The following PDE4B variants were observed in gnomAD, a reference collection of about 807,000 sequenced individuals.
The protein encoded by PDE4B is 3',5'-cyclic-AMP phosphodiesterase 4B.
PDE4B carries 20 observed loss-of-function variants against 82.2 expected under a neutral mutation model. The ratio of observed to expected loss-of-function variants is 0.24; its 90% CI spans 0.17 to 0.35. The LOEUF (loss-of-function observed/expected upper bound fraction) is 0.35, where lower values mean the gene tolerates loss of function less well. PDE4B is among the 10% of genes least tolerant of loss of function. The pLI is 1.00. For synonymous variants in PDE4B, 320 were observed against 318.9 expected (o/e 1.00, Z -0.04); for missense variants, 655 against 907.2 (o/e 0.72, Z 3.57).
chr1:66,062,946 T>G (rs1433529066), intron 3 of PDE4B: 1 of 152,100 alleles, frequency 6.6e-6, no homozygotes, highest in Non-Finnish European at 1.5e-5. Flanking sequence ...AGAAGAGTCC[T>G]TTTTCTGAGT....
chr1:65,855,837 A>G (rs1311373218), intron 1 of PDE4B, among the ~76,000 whole-genome samples: 1 of 152,120 alleles, frequency 6.6e-6, no homozygotes, highest in Non-Finnish European at 1.5e-5. Context: ...TCTGATGTAC[A>G]GAACGTGGCT....
intron 1 of PDE4B, among the ~76,000 whole-genome samples, chr1:65,894,132 A>G (rs972631041): frequency 1.3e-5 from 2 of 152,054 alleles, no homozygotes; most frequent in African/African-American, 4.8e-5. Context: ...CCTGTACCCC[A>G]AACAACTGTT....
chr1:66,094,393 A>G (rs546088835), intron 3 of PDE4B: 51 of 152,224 alleles, frequency 3.4e-4, no homozygotes, highest in Non-Finnish European at 6.5e-4. Context: ...AGCTGAAACT[A>G]TATAAATCCA....
chr1:65,979,694 G>A (rs921470850), intron 3 of PDE4B, among the ~76,000 whole-genome samples: 1 of 152,138 alleles, frequency 6.6e-6, no homozygotes, highest in African/African-American at 2.4e-5. Context: ...GCCCTTAATG[G>A]GACCCTGGAG....
At chr1:65,831,707 A>G (rs1646083807) in intron 1 of PDE4B, among the ~76,000 whole-genome samples, 3 of 151,986 alleles carry the variant, frequency 2.0e-5, no homozygotes, top group Admixed American at 6.6e-5. Flanking sequence ...CAAAGATGCT[A>G]TAAGAAAAAT....
chr1:66,135,528 T>G (rs1570316792), intron 3 of PDE4B, among the ~76,000 whole-genome samples: 1 of 152,230 alleles, frequency 6.6e-6, no homozygotes, highest in South Asian at 2.1e-4. Context: ...ATGATTGAAA[T>G]ATGGAAATCA....
intron 3 of PDE4B, among the ~76,000 whole-genome samples, chr1:65,959,732 G>A (rs970242905): frequency 2.0e-5 from 3 of 152,044 alleles, no homozygotes; most frequent in East Asian, 1.9e-4. Flanking sequence ...AGAGGGTGCT[G>A]ATTAATAAAT....
intron 3 of PDE4B, among the ~76,000 whole-genome samples, chr1:65,939,002 T>G (rs1648302621): frequency 6.6e-6 from 1 of 152,220 alleles, no homozygotes; most frequent in East Asian, 1.9e-4. Context: ...TTAGTCCAAG[T>G]GAGCAATGAC....
intron 1 of PDE4B, 150 bp from the exon 2 acceptor site, chr1:65,913,095 G>T (rs1201970734): frequency 9.5e-6 from 4 of 421,272 alleles, no homozygotes; most frequent in Non-Finnish European, 1.7e-5. Context: ...TCTTTTCTCA[G>T]CATATCAAAC....
At chr1:65,958,876 T>G (rs1439385792) in intron 3 of PDE4B, among the ~76,000 whole-genome samples, 1 of 152,228 alleles carries the variant, frequency 6.6e-6, no homozygotes, top group Non-Finnish European at 1.5e-5. Flanking sequence ...TAGTTATGAC[T>G]TATATAGTTA....
At chr1:66,280,361 T>C (rs991718156) in intron 7 of PDE4B, among the ~76,000 whole-genome samples, 4 of 152,206 alleles carry the variant, frequency 2.6e-5, no homozygotes, top group Non-Finnish European at 5.9e-5. Context: ...AGAGAAAATC[T>C]TGGGCTTTTG....
chr1:66,331,936 T>A (rs1331703945), intron 7 of PDE4B: 1 of 996,130 alleles, frequency 1.0e-6, no homozygotes, highest in Non-Finnish European at 1.2e-6. Context: ...TTCGCTGAAT[T>A]AGAAGTTATT....
intron 13 of PDE4B, 77 bp downstream of exon 13, chr1:66,365,843 A>G (rs1472757127): frequency 1.3e-6 from 1 of 767,036 alleles, no homozygotes; most frequent in Non-Finnish European, 2.2e-6. Context: ...TAATGTTTTC[A>G]TTATGGATAA....
At chr1:65,811,348 G>A (rs578116135) in intron 1 of PDE4B, among the ~76,000 whole-genome samples, 1 of 152,276 alleles carries the variant, frequency 6.6e-6, no homozygotes, top group African/African-American at 2.4e-5. Context: ...AACTTAACTT[G>A]AGCATCCTCA....
Position 66,257,692 on chromosome 1 carries a change from T to C in PDE4B, c.513+9T>C. 1 of 1,613,344 alleles carries C rather than the reference T, an allele frequency of 6.2e-7. No individual in the cohort carries two copies. The highest frequency in any genetic ancestry group is 8.5e-7 in the Non-Finnish European group (1 of 1,179,304). ...TAACTCCTTTTGCCCAGGTATGTAT[T>C]ATGCTGGCCCTGGCTTGCTTTCACT... On this transcript the variant is annotated intron_variant, in intron 5 of 16. Coordinates refer to ENST00000341517, the MANE Select transcript of PDE4B (RefSeq NM_002600.4).
chr1:66,123,195 T>A (rs2101085116), intron 3 of PDE4B, among the ~76,000 whole-genome samples: 1 of 152,298 alleles, frequency 6.6e-6, no homozygotes, highest in African/African-American at 2.4e-5. Context: ...TTGAAGACAA[T>A]GATTTTAACA....
intron 3 of PDE4B, among the ~76,000 whole-genome samples, chr1:66,026,853 G>T (rs1407965648): frequency 6.6e-6 from 1 of 152,176 alleles, no homozygotes; most frequent in Non-Finnish European, 1.5e-5. Flanking sequence ...AACCAATTAT[G>T]GCGTCCTGAG....
chr1:66,321,006 A>G (rs1164578096), intron 7 of PDE4B, among the ~76,000 whole-genome samples: 1 of 152,202 alleles, frequency 6.6e-6, no homozygotes, highest in Non-Finnish European at 1.5e-5. Flanking sequence ...AGCTGAGTAT[A>G]TCAGGCTTGA....
At chr1:66,144,649 G>A (rs1373816387) in intron 3 of PDE4B, among the ~76,000 whole-genome samples, 1 of 152,182 alleles carries the variant, frequency 6.6e-6, no homozygotes, top group African/African-American at 2.4e-5. Flanking sequence ...TCATTCAACA[G>A]GTAAGTATAA....
Sources: gnomAD v4.1 joint callset for allele counts (sites outside exome capture counted in the v4.1 genomes callset) on GRCh38, gnomAD v4.1.1 for gene constraint, MANE v1.5 for transcripts, NCBI Gene and HGNC (gene_info 2026-07-23, HGNC 2026-07-21) for gene names.